TBC1D32: variants seen among roughly 807,000 people sequenced by gnomAD.
The protein encoded by TBC1D32 is protein broad-minded.
TBC1D32 carries 151 observed loss-of-function variants against 170.3 expected under a neutral mutation model. The ratio of observed to expected loss-of-function variants is 0.89; its 90% CI spans 0.78 to 1.01. The LOEUF is 1.01. TBC1D32 is among the 50% of genes least tolerant of loss of function. The pLI is 0.00. For synonymous variants in TBC1D32, 498 were observed against 488.0 expected, an observed-to-expected ratio of 1.02 and a Z score of -0.27; for missense variants, 1,464 against 1,457.1, an observed-to-expected ratio of 1.00 and a Z score of -0.08.
intron 14 of TBC1D32, 109 bp from the exon 15 acceptor site, chr6:121,279,354 C>A: frequency 1.6e-6 from 2 of 1,241,014 alleles, no homozygotes; most frequent in South Asian, 1.5e-5. Context: ...TATATTACAA[C>A]AAAAAACAAG....
intron 22 of TBC1D32, among the ~76,000 whole-genome samples, chr6:121,197,587 G>C (rs915301310): frequency 6.6e-6 from 1 of 152,080 alleles, no homozygotes; most frequent in African/African-American, 2.4e-5. Flanking sequence ...CTTCATATCA[G>C]CATTTAAGTA....
chr6:121,257,593 GA>G (rs967938309), intron 15 of TBC1D32, among the ~76,000 whole-genome samples: 3 of 152,072 alleles, frequency 2.0e-5, no homozygotes, highest in Admixed American at 1.3e-4. Flanking sequence ...GAAAAGGCTG[GA>G]AAAAAATGCT....
At chr6:121,204,292 T>C (rs1402225102) in intron 22 of TBC1D32, among the ~76,000 whole-genome samples, 1 of 151,304 alleles carries the variant, frequency 6.6e-6, no homozygotes, top group Non-Finnish European at 1.5e-5. Flanking sequence ...CATCTATTAA[T>C]ATACGGTTAA....
At chr6:121,214,921 A>G (rs1027210199) in intron 21 of TBC1D32, among the ~76,000 whole-genome samples, 5 of 152,194 alleles carry the variant, frequency 3.3e-5, no homozygotes, top group Admixed American at 2.6e-4. Context: ...AGCTCTCAGG[A>G]GACCAGAAGT....
intron 21 of TBC1D32, among the ~76,000 whole-genome samples, chr6:121,208,365 C>A (rs1025286165): frequency 6.6e-6 from 1 of 152,084 alleles, no homozygotes; most frequent in African/African-American, 2.4e-5. Flanking sequence ...ACACATCCTT[C>A]TTCACATGGC....
rs769614495 is a variant in TBC1D32, at chr6:121,161,049, T to C, written c.2578A>G (p.Ile860Val). 2 of 1,609,276 alleles carry C rather than the reference T, an allele frequency of 1.2e-6. No homozygotes were observed. The highest frequency in any genetic ancestry group is 2.2e-5 in the South Asian group (2 of 90,012). The part of the protein sequence containing the change: ...QSHIFGLRDF[I>V]IDGLSVERNH... ...CTCTCCACTGATAAGCCATCAATTA[T>C]AAAGTCCCTGAAAAAATAAATATAT... is the stretch of plus-strand genomic sequence containing the variant. Residue 860 changes from isoleucine to valine, a missense_variant, in exon 23 of 32, where the codon ATA becomes GTA. This residue lies in a region of TBC1D32 where 1,363 missense variants were observed against 1,338.1 expected (regional missense o/e 1.02). Transcript: ENST00000398212.
intron 28 of TBC1D32, among the ~76,000 whole-genome samples, 160 bp from the exon 29 acceptor site, chr6:121,112,819 C>T (rs1779321244): frequency 6.6e-6 from 1 of 152,002 alleles, no homozygotes; most frequent in South Asian, 2.1e-4. Flanking sequence ...TCTGAAAATA[C>T]ATTCTAATGT....
intron 20 of TBC1D32, among the ~76,000 whole-genome samples, chr6:121,233,437 ACTAGT>A (rs1255365520): frequency 6.6e-6 from 1 of 152,026 alleles, no homozygotes; most frequent in Non-Finnish European, 1.5e-5. Flanking sequence ...TTCCTGTGGG[ACTAGT>A]CTTTTTATCA....
Position 121,286,032 on chromosome 6 carries a change from T to C in TBC1D32, c.1373-2122A>G, listed in dbSNP as rs529344818. Reference sequence around the variant, plus strand: ...CCAAAGGTAGATAAAACCACAAAGATGGGGAAAAAACAGAGGAGAAAAACT... The same window carrying C: ...CCAAAGGTAGATAAAACCACAAAGACGGGGAAAAAACAGAGGAGAAAAACT... On this transcript the variant is annotated intron_variant, in intron 12 of 31. Coordinates refer to ENST00000398212, the MANE Select transcript of TBC1D32 (RefSeq NM_152730.6). Among the ~76,000 whole-genome samples, 147 of 151,868 alleles carry C rather than the reference T, an allele frequency of 9.7e-4. 1 individual carries two copies. Among genetic ancestry groups the C allele is most frequent in the Admixed American group, 8.7e-3 (132 of 15,256 alleles).
intron 19 of TBC1D32, 136 bp downstream of exon 19, chr6:121,241,329 T>C: frequency 1.4e-6 from 1 of 701,920 alleles, no homozygotes; most frequent in Non-Finnish European, 2.3e-6. Flanking sequence ...TAACTTTCTT[T>C]TACATAAGGT....
At chr6:121,148,261 T>C (rs1783736327) in intron 24 of TBC1D32, among the ~76,000 whole-genome samples, 1 of 152,160 alleles carries the variant, frequency 6.6e-6, no homozygotes, top group Non-Finnish European at 1.5e-5. Flanking sequence ...CTGTGTTAGT[T>C]TGCTGAGAAT....
intron 17 of TBC1D32, among the ~76,000 whole-genome samples, chr6:121,248,934 T>C (rs1166742263): frequency 1.3e-5 from 2 of 151,854 alleles, no homozygotes; most frequent in Admixed American, 6.6e-5. Context: ...GAGAGAATCC[T>C]TCCTAAATCT....
intron 1 of TBC1D32, among the ~76,000 whole-genome samples, chr6:121,327,475 G>A (rs1810603911): frequency 6.6e-6 from 1 of 152,054 alleles, no homozygotes; most frequent in Non-Finnish European, 1.5e-5. Context: ...AAAATAATCT[G>A]GAGATATAAT....
intron 20 of TBC1D32, among the ~76,000 whole-genome samples, chr6:121,223,594 T>C (rs1794759155): frequency 6.6e-6 from 1 of 152,170 alleles, no homozygotes; most frequent in African/African-American, 2.4e-5. Flanking sequence ...ATTTGGAATA[T>C]GCTTTAAAAT....
chr6:121,116,368 A>C (rs2128202117), intron 26 of TBC1D32, among the ~76,000 whole-genome samples: 1 of 152,328 alleles, frequency 6.6e-6, no homozygotes, highest in Admixed American at 6.5e-5. Context: ...GATCAAATGT[A>C]TATAGATAAC....
At chr6:121,334,714 A>C (rs1488994274), upstream of TBC1D32, 4 of 440,802 alleles carry the variant, frequency 9.1e-6, no homozygotes, top group Non-Finnish European at 1.7e-5. Context: ...CTAACAACAA[A>C]AGAGACATCA....
intron 21 of TBC1D32, among the ~76,000 whole-genome samples, chr6:121,213,768 T>C (rs796281027): frequency 1.3e-5 from 2 of 152,068 alleles, no homozygotes; most frequent in African/African-American, 4.8e-5. Flanking sequence ...AACAATGACA[T>C]CCTTCACAGA....
chr6:121,213,445 T>C (rs923905370), intron 21 of TBC1D32, among the ~76,000 whole-genome samples: 3 of 124,400 alleles, frequency 2.4e-5, no homozygotes, highest in African/African-American at 5.9e-5. Flanking sequence ...TCAATCCTAT[T>C]CACAACTGCC....
intron 26 of TBC1D32, among the ~76,000 whole-genome samples, chr6:121,123,412 C>T (rs890304529): frequency 2.0e-5 from 3 of 152,054 alleles, no homozygotes; most frequent in Admixed American, 1.3e-4. Context: ...AATCTGGGTG[C>T]TCCAGTGTTA....
Sources: gnomAD v4.1 joint callset for allele counts (sites outside exome capture counted in the v4.1 genomes callset) on GRCh38, gnomAD v4.1.1 for gene constraint, gnomAD v4.1.1 regional missense constraint, MANE v1.5 for transcripts, NCBI Gene and HGNC (gene_info 2026-07-23, HGNC 2026-07-21) for gene names.